Variants in ERCC8 observed in about 807,000 individuals in gnomAD.
The protein encoded by ERCC8 is ERCC excision repair 8, CSA ubiquitin ligase complex subunit.
A neutral mutation model predicts 54.9 loss-of-function variants in ERCC8; 52 were observed. The ratio of observed to expected loss-of-function variants is 0.95; its 90% CI spans 0.76 to 1.19. The LOEUF is 1.19. ERCC8 is among the 50% of genes most tolerant of loss of function. The probability of loss-of-function intolerance (pLI) is 0.00; values close to 1 mark genes in which losing one functional copy is unlikely to be tolerated. For missense variants in ERCC8, 514 were observed against 466.1 expected (o/e 1.10, Z -0.95); for synonymous variants, 146 against 157.2 (o/e 0.93, Z 0.53).
At chr5:60,927,378 G>C (rs1338614223) in intron 2 of ERCC8, among the ~76,000 whole-genome samples, 2 of 152,086 alleles carry the variant, frequency 1.3e-5, no homozygotes. Flanking sequence ...TATCAAAAGG[G>C]GTTAATGCAA....
At chr5:60,941,932 T>C (rs1402936029) in intron 1 of ERCC8, among the ~76,000 whole-genome samples, 2 of 152,168 alleles carry the variant, frequency 1.3e-5, no homozygotes, top group Non-Finnish European at 2.9e-5. Flanking sequence ...ATAGAGTATA[T>C]AATGTATGTA....
chr5:60,930,954 A>G (rs540275984), intron 1 of ERCC8, among the ~76,000 whole-genome samples: 3 of 151,998 alleles, frequency 2.0e-5, no homozygotes, highest in Admixed American at 2.0e-4. Flanking sequence ...TAAAAATACA[A>G]AAAAATTAGC....
At chr5:60,929,197 A>G (rs1049930427) in intron 1 of ERCC8, among the ~76,000 whole-genome samples, 9 of 152,232 alleles carry the variant, frequency 5.9e-5, no homozygotes, top group Non-Finnish European at 8.8e-5. Context: ...GTACGAAAAA[A>G]GTTAAATTCT....
At chr5:60,893,039 A>C in intron 9 of ERCC8, 1 of 784,080 alleles carries the variant, frequency 1.3e-6, no homozygotes, top group East Asian at 2.5e-5. Context: ...TCCGAAGGTA[A>C]TCCAGCCACT....
chr5:60,905,222 C>T (rs1749036664), intron 4 of ERCC8, among the ~76,000 whole-genome samples: 1 of 152,168 alleles, frequency 6.6e-6, no homozygotes, highest in Non-Finnish European at 1.5e-5. Context: ...TTCCGTATAA[C>T]CTGAGCTACC....
chr5:60,879,981 C>T (rs1172203152), intron 11 of ERCC8, among the ~76,000 whole-genome samples: 3 of 152,160 alleles, frequency 2.0e-5, no homozygotes, highest in African/African-American at 7.2e-5. Flanking sequence ...TACAATTTGG[C>T]ATGTTTTTGC....
At chr5:60,881,538 C>A (rs1430181969) in intron 11 of ERCC8, among the ~76,000 whole-genome samples, 1 of 152,232 alleles carries the variant, frequency 6.6e-6, no homozygotes, top group East Asian at 1.9e-4. Context: ...GCTTTGTTTA[C>A]CTACTCAAGC....
At chr5:60,933,530 A>G (rs567465617) in intron 1 of ERCC8, among the ~76,000 whole-genome samples, 13 of 151,796 alleles carry the variant, frequency 8.6e-5, no homozygotes, top group African/African-American at 3.1e-4. Flanking sequence ...TGTATTTTCT[A>G]TCTACTATAT....
intron 9 of ERCC8, 124 bp downstream of exon 9, chr5:60,898,152 A>C: frequency 9.0e-7 from 1 of 1,115,538 alleles, no homozygotes; most frequent in Non-Finnish European, 1.3e-6. Context: ...CATAGTAGAA[A>C]CACATTTTTA....
rs1747854901 is a variant in ERCC8, at chr5:60,871,143, T to C, written c.*3472A>G. Among the ~76,000 whole-genome samples, 1 of 152,192 alleles carries C rather than the reference T, an allele frequency of 6.6e-6. No individual in the cohort carries two copies. The highest frequency in any genetic ancestry group is 1.5e-5 in the Non-Finnish European group (1 of 68,036). On this transcript the variant is annotated 3_prime_UTR_variant, in exon 12 of 12. Coordinates refer to ENST00000676185, the MANE Select transcript of ERCC8 (RefSeq NM_000082.4). ...AAAAAGATGATATTCAACAACTAAA[T>C]TGTACAAATTGTACACCAAAATATA...
chr5:60,878,799 T>C (rs1020734388), intron 11 of ERCC8, among the ~76,000 whole-genome samples: 3 of 152,190 alleles, frequency 2.0e-5, no homozygotes, highest in Admixed American at 6.5e-5. Context: ...ATCAATTTTG[T>C]TGATCTTTTA....
At chr5:60,900,128 T>C (rs914941709) in intron 7 of ERCC8, among the ~76,000 whole-genome samples, 2 of 152,144 alleles carry the variant, frequency 1.3e-5, no homozygotes, top group Middle Eastern at 3.4e-3. Context: ...TTCACTTTGC[T>C]CAAGAATCCA....
chr5:60,908,485 C>T (rs181276744), intron 4 of ERCC8, among the ~76,000 whole-genome samples: 3 of 151,666 alleles, frequency 2.0e-5, no homozygotes, highest in Admixed American at 1.3e-4. Flanking sequence ...AACCCTTCCC[C>T]ATCTTACTAA....
At chr5:60,891,822 G>A in intron 9 of ERCC8, 1 of 341,202 alleles carries the variant, frequency 2.9e-6, no homozygotes, top group Non-Finnish European at 5.8e-6. Flanking sequence ...GTTGGGGAAG[G>A]GTTCTTTTAA....
At chr5:60,907,104 A>G (rs1314428691) in intron 4 of ERCC8, among the ~76,000 whole-genome samples, 1 of 152,198 alleles carries the variant, frequency 6.6e-6, no homozygotes, top group Non-Finnish European at 1.5e-5. Flanking sequence ...TTTCCTCTGG[A>G]TTTCAGTAAT....
chr5:60,929,877 A>C (rs1434448919), intron 1 of ERCC8, among the ~76,000 whole-genome samples: 1 of 152,200 alleles, frequency 6.6e-6, no homozygotes, highest in Non-Finnish European at 1.5e-5. Context: ...CACTAATTTA[A>C]CCAGAATTAT....
chr5:60,888,486 A>G (rs2112473334), intron 10 of ERCC8, among the ~76,000 whole-genome samples: 1 of 152,328 alleles, frequency 6.6e-6, no homozygotes, highest in South Asian at 2.1e-4. Context: ...AAGCTTATAG[A>G]GCAATTCACA....
chr5:60,883,960 G>T (rs1219205924), intron 11 of ERCC8, among the ~76,000 whole-genome samples: 10 of 152,158 alleles, frequency 6.6e-5, no homozygotes, highest in Admixed American at 6.5e-4. Flanking sequence ...TCTTTAGATA[G>T]AATTAAATTC....
intron 2 of ERCC8, among the ~76,000 whole-genome samples, chr5:60,926,067 C>T (rs568876645): frequency 3.3e-5 from 5 of 152,014 alleles, no homozygotes; most frequent in Non-Finnish European, 5.9e-5. Flanking sequence ...TCAGGTAATC[C>T]GCCCGCCTCG....
Sources: gnomAD v4.1 joint callset for allele counts (sites outside exome capture counted in the v4.1 genomes callset) on GRCh38, gnomAD v4.1.1 for gene constraint, MANE v1.5 for transcripts, NCBI Gene and HGNC (gene_info 2026-07-23, HGNC 2026-07-21) for gene names.